The following C1orf159 variants were observed in gnomAD, a reference collection of about 807,000 sequenced individuals.
The protein encoded by C1orf159 is uncharacterized protein C1orf159.
C1orf159 carries 19 observed loss-of-function variants against 25.6 expected under a neutral mutation model. The ratio of observed to expected loss-of-function variants is 0.74; its 90% CI spans 0.52 to 1.09. The LOEUF is 1.09. Among genes scored for constraint, C1orf159 ranks in the 50% least tolerant of loss-of-function variants. The pLI is 0.00. For missense variants in C1orf159, 274 were observed against 290.6 expected, an observed-to-expected ratio of 0.94 and a Z score of 0.42; for synonymous variants, 139 against 124.7, an observed-to-expected ratio of 1.12 and a Z score of -0.77.
intron 1 of C1orf159, among the ~76,000 whole-genome samples, chr1:1,096,725 A>C (rs1437458180): frequency 1.3e-5 from 2 of 152,170 alleles, no homozygotes; most frequent in Non-Finnish European, 2.9e-5. Flanking sequence ...ATTGTTCATC[A>C]TAGTCTCCTA....
At chr1:1,112,348 C>T (rs1290639909) in intron 1 of C1orf159, among the ~76,000 whole-genome samples, 1 of 152,232 alleles carries the variant, frequency 6.6e-6, no homozygotes. Flanking sequence ...GGAAGAACGC[C>T]TCAGGTGAGC....
intron 1 of C1orf159, among the ~76,000 whole-genome samples, chr1:1,109,181 G>T (rs953659246): frequency 6.6e-6 from 1 of 152,144 alleles, no homozygotes; most frequent in Admixed American, 6.5e-5. Flanking sequence ...TATACAGACC[G>T]TGGAATATTC....
intron 3 of C1orf159, 176 bp from the exon 4 acceptor site, chr1:1,090,604 G>A (rs1387975530): frequency 1.9e-5 from 14 of 718,242 alleles, no homozygotes; most frequent in South Asian, 5.2e-5. Flanking sequence ...GCAAGGAGGG[G>A]CCTCACAGCC....
At chr1:1,086,082 C>G in intron 6 of C1orf159, 70 bp from the exon 7 acceptor site, 1 of 1,565,758 alleles carries the variant, frequency 6.4e-7, no homozygotes, top group East Asian at 2.3e-5. Flanking sequence ...CCCCGGTGCC[C>G]CCTGCACATG....
In C1orf159 at chr1:1,089,812, C is replaced by T. The variant is rs1051483939; in HGVS notation, c.148+541G>A. Among the ~76,000 whole-genome samples the T allele has an allele frequency of 9.2e-5, 14 of 152,354 alleles. No homozygotes were observed. The highest frequency in any genetic ancestry group is 4.6e-4 in the Admixed American group (7 of 15,310). ...GCTCCCACTGGCTGCCCTCACCAGC[C>T]TCAACCTCCTGACACCCAGCTGCCC... On this transcript the variant is annotated intron_variant, in intron 4 of 9. Transcript: ENST00000421241. The surrounding 1 kb of genome is among the most constrained non-coding windows in gnomAD (Gnocchi z 7.5).
chr1:1,105,846 G>A (rs1238950586), intron 1 of C1orf159: 1 of 152,234 alleles, frequency 6.6e-6, no homozygotes, highest in Non-Finnish European at 1.5e-5. Flanking sequence ...CTGCACTCCA[G>A]CCTGGGCTAC....
chr1:1,085,300 G>A (rs896890839), intron 7 of C1orf159: 11 of 429,850 alleles, frequency 2.6e-5, no homozygotes, highest in African/African-American at 1.4e-4. Flanking sequence ...GGGACCCTGC[G>A]GGGGCCGGCC....
Position 1,110,977 on chromosome 1 carries a change from TCA to T in C1orf159, c.-136+5081_-136+5082del, listed in dbSNP as rs1646249993. ...CAGCCTGCGAGGCAATCTCCATGGA[TCA>T]CAGGCAGATTCTACATCACGACAGG... On this transcript the variant is annotated intron_variant, in intron 1 of 9. Transcript: ENST00000421241. This position sits in a 1 kb window ranked among gnomAD's most constrained non-coding sequence, Gnocchi z 4.8. Among the ~76,000 whole-genome samples the T allele has an allele frequency of 6.6e-6, 1 of 152,210 alleles. No individual in the cohort carries two copies. The highest frequency in any genetic ancestry group is 2.1e-4 in the South Asian group (1 of 4,830).
Position 1,089,921 on chromosome 1 carries a change from T to C in C1orf159, c.148+432A>G, listed in dbSNP as rs9442400. ...ACGCTGACACAGGCCGGCATCCTCG[T>C]GGCGTCCTGTTGATTGGCATTCCAC... is the stretch of plus-strand genomic sequence containing the variant. On this transcript the variant is annotated intron_variant, in intron 4 of 9. Transcript: ENST00000421241. This position sits in a 1 kb window ranked among gnomAD's most constrained non-coding sequence, Gnocchi z 7.5. Among the ~76,000 whole-genome samples, 138,137 of 152,248 alleles carry C rather than the reference T, an allele frequency of 0.91. 62,793 individuals carry two copies. Among genetic ancestry groups the C allele is most frequent in the African/African-American group, 0.92 (38,153 of 41,544 alleles).
At chr1:1,101,542 G>A (rs1206634194) in intron 1 of C1orf159, among the ~76,000 whole-genome samples, 2 of 152,016 alleles carry the variant, frequency 1.3e-5, no homozygotes, top group Non-Finnish European at 2.9e-5. Context: ...TATCAGCTCA[G>A]GGTCTGTCAG....
At chr1:1,096,116 G>A (rs1014403072) in intron 1 of C1orf159, among the ~76,000 whole-genome samples, 1 of 152,156 alleles carries the variant, frequency 6.6e-6, no homozygotes, top group African/African-American at 2.4e-5. Context: ...AAGGATAGTG[G>A]TCTATAATTT....
At chr1:1,108,070 A>G (rs547804176) in intron 1 of C1orf159, among the ~76,000 whole-genome samples, 56 of 152,128 alleles carry the variant, frequency 3.7e-4, no homozygotes, top group African/African-American at 1.3e-3. Context: ...CACCACAGCC[A>G]CCATGTCTCG....
intron 7 of C1orf159, 70 bp downstream of exon 7, chr1:1,085,808 G>T: frequency 6.4e-7 from 1 of 1,571,068 alleles, no homozygotes; most frequent in Non-Finnish European, 8.7e-7. Flanking sequence ...CCAGTCTCAG[G>T]CCCATCTCCA....
rs115495822 is a variant in C1orf159, at chr1:1,092,344, C to T, written c.-135-241G>A. On this transcript the variant is annotated intron_variant, in intron 1 of 9. Transcript: ENST00000421241. The stretch of plus-strand genomic sequence containing the variant: ...AGGCCCTCGCTGGGATACGGGCCCT[C>T]GGCCCGGCCTTTGCTCAGGGACCAG... 7.9e-3 allele frequency: 1,491 copies of T among 188,644 alleles called. 23 individuals are homozygous for T. Among genetic ancestry groups the T allele is most frequent in the African/African-American group, 0.033 (1,401 of 42,018 alleles). 11.7% of individuals were successfully genotyped at this position (188,644 alleles called of 1,614,324 possible).
At position 1,110,297 on chromosome 1, in the gene C1orf159, C is replaced by T. The variant is rs1455657182; in HGVS notation, c.-136+5763G>A. ...TAAGGTTTCTCTGGGGTCCCCTTGA[C>T]CAAGAGGGAGCTCGTTCAGTCGGCG... is the stretch of plus-strand genomic sequence containing the variant. On this transcript the variant is annotated intron_variant, in intron 1 of 9. Transcript: ENST00000421241. This position sits in a 1 kb window ranked among gnomAD's most constrained non-coding sequence, Gnocchi z 4.8. Among the ~76,000 whole-genome samples the T allele has an allele frequency of 6.6e-6, 1 of 152,128 alleles. No homozygotes were observed. The highest frequency in any genetic ancestry group is 2.4e-5 in the African/African-American group (1 of 41,422).
In C1orf159 at chr1:1,091,464, G is replaced by C. The variant is rs1055217495; in HGVS notation, c.72+8C>G. On this transcript the variant is annotated splice_region_variant and intron_variant, in intron 3 of 9. Coordinates refer to ENST00000421241, the MANE Select transcript of C1orf159 (RefSeq NM_017891.5). ...TAGGCCGCGTGGACACGTGAGGGGGGCACCTACCGTGTTCTCCATGGACTT... is the reference window on the plus strand; with the variant it reads ...TAGGCCGCGTGGACACGTGAGGGGGCCACCTACCGTGTTCTCCATGGACTT... 2 of 1,549,814 alleles carry C rather than the reference G, an allele frequency of 1.3e-6. No individual in the cohort carries two copies. Among genetic ancestry groups the C allele is most frequent in the Admixed American group, 3.9e-5 (2 of 50,984 alleles).
chr1:1,098,350 T>C (rs949329887), intron 1 of C1orf159, among the ~76,000 whole-genome samples: 5 of 152,246 alleles, frequency 3.3e-5, no homozygotes, highest in African/African-American at 1.2e-4. Context: ...ATTACATGTG[T>C]GAGCCACTGC....
chr1:1,112,295 G>A (rs180919068), intron 1 of C1orf159, among the ~76,000 whole-genome samples: 42 of 152,358 alleles, frequency 2.8e-4, no homozygotes, highest in African/African-American at 8.9e-4. Flanking sequence ...AAATGGCGGC[G>A]TGTAACCGTT....
At chr1:1,085,067 C>T (rs559519025) in intron 7 of C1orf159, among the ~76,000 whole-genome samples, 14 of 152,254 alleles carry the variant, frequency 9.2e-5, no homozygotes, top group South Asian at 6.2e-4. Flanking sequence ...CTGAGCAGGC[C>T]GGGTCTCTCG....
Sources: allele counts gnomAD v4.1 joint callset (sites outside exome capture counted in the v4.1 genomes callset), GRCh38; gene constraint gnomAD v4.1.1; non-coding constraint Gnocchi (gnomAD v3.1); transcripts MANE v1.5; gene names NCBI Gene and HGNC (gene_info 2026-07-23, HGNC 2026-07-21).